GNG7: variants seen among roughly 807,000 people sequenced by gnomAD.
GNG7 encodes the protein G protein subunit gamma 7.
Under a neutral mutation model 4.0 loss-of-function variants are expected in GNG7, and 1 was observed. The ratio of observed to expected loss-of-function variants is 0.25; its 90% CI spans 0.09 to 1.18. GNG7 has a LOEUF of 1.18. Ranked by LOEUF, GNG7 falls within the 50% of genes most tolerant of loss-of-function variation. The pLI, the probability that GNG7 is intolerant of heterozygous loss-of-function variation, is 0.50. For synonymous variants in GNG7, 34 were observed against 36.9 expected, an observed-to-expected ratio of 0.92 and a Z score of 0.29; for missense variants, 86 against 91.9, an observed-to-expected ratio of 0.94 and a Z score of 0.26.
intron 1 of GNG7, among the ~76,000 whole-genome samples, chr19:2,685,291 C>T (rs939667182): frequency 1.3e-4 from 20 of 151,816 alleles, no homozygotes; most frequent in African/African-American, 4.4e-4. Context: ...AATGGTTAAA[C>T]GGGGAAATTT....
intron 4 of GNG7, among the ~76,000 whole-genome samples, chr19:2,519,146 C>CTTTTTTTTTTT (rs71178282): frequency 1.2e-5 from 1 of 84,540 alleles, no homozygotes; most frequent in Admixed American, 1.5e-4. Context: ...TTTCTTGTTT[C>CTTTTTTTTTTT]TTTTTTTTTT....
chr19:2,697,764 G>A (rs1054785146), intron 1 of GNG7, among the ~76,000 whole-genome samples: 1 of 151,230 alleles, frequency 6.6e-6, no homozygotes, highest in African/African-American at 2.5e-5. Flanking sequence ...AGGCCAGCCT[G>A]GCCAACATGG....
At chr19:2,685,223 A>G (rs927792823) in intron 1 of GNG7, among the ~76,000 whole-genome samples, 2 of 152,052 alleles carry the variant, frequency 1.3e-5, no homozygotes, top group Non-Finnish European at 2.9e-5. Flanking sequence ...ACACAGTTTC[A>G]GTTTGGGAAG....
At chr19:2,604,285 C>T (rs1981306507) in intron 2 of GNG7, among the ~76,000 whole-genome samples, 1 of 151,884 alleles carries the variant, frequency 6.6e-6, no homozygotes, top group Non-Finnish European at 1.5e-5. Flanking sequence ...GCCTGGGCAA[C>T]ATAGCAAGAC....
intron 2 of GNG7, among the ~76,000 whole-genome samples, chr19:2,629,000 A>G (rs1434585493): frequency 6.6e-6 from 1 of 152,178 alleles, no homozygotes; most frequent in Admixed American, 6.5e-5. Flanking sequence ...CTTGGGCGCC[A>G]TCTTGGAATT....
At chr19:2,664,569 G>A (rs1219029847) in intron 1 of GNG7, among the ~76,000 whole-genome samples, 1 of 152,140 alleles carries the variant, frequency 6.6e-6, no homozygotes, top group African/African-American at 2.4e-5. Flanking sequence ...GGTCAAGGAG[G>A]GGGAAGGAAC....
intron 1 of GNG7, among the ~76,000 whole-genome samples, chr19:2,673,130 G>A (rs188418492): frequency 1.2e-4 from 18 of 151,896 alleles, no homozygotes; most frequent in African/African-American, 3.4e-4. Flanking sequence ...GGCAGCGGGC[G>A]CCTGTAGTCC....
At chr19:2,682,924 T>C (rs1223773707) in intron 1 of GNG7, among the ~76,000 whole-genome samples, 2 of 151,708 alleles carry the variant, frequency 1.3e-5, no homozygotes, top group Non-Finnish European at 2.9e-5. Flanking sequence ...GAAGATTCCA[T>C]CCTGGGCTCA....
chr19:2,562,536 T>C (rs1323748630), intron 2 of GNG7, among the ~76,000 whole-genome samples: 4 of 152,206 alleles, frequency 2.6e-5, no homozygotes, highest in African/African-American at 9.6e-5. Flanking sequence ...AACAGGGTTT[T>C]TCCCCCCGGG....
chr19:2,569,006 T>C (rs556575379), intron 2 of GNG7, among the ~76,000 whole-genome samples: 1 of 151,500 alleles, frequency 6.6e-6, no homozygotes, highest in African/African-American at 2.4e-5. Context: ...TACACACATA[T>C]ACACACAAGC....
At chr19:2,661,245 A>AAAAGAAAG (rs368412587) in intron 1 of GNG7, among the ~76,000 whole-genome samples, 3 of 93,814 alleles carry the variant, frequency 3.2e-5, no homozygotes, top group African/African-American at 1.3e-4. Flanking sequence ...AGAAAGAAAG[A>AAAAGAAAG]AAAGAAAGAA....
At chr19:2,566,059 G>A (rs1391055715) in intron 2 of GNG7, among the ~76,000 whole-genome samples, 1 of 152,134 alleles carries the variant, frequency 6.6e-6, no homozygotes, top group East Asian at 1.9e-4. Flanking sequence ...TCGGGAGGCT[G>A]AGGCAGGAGA....
chr19:2,592,832 G>A (rs1980888294), intron 2 of GNG7, among the ~76,000 whole-genome samples: 1 of 144,712 alleles, frequency 6.9e-6, no homozygotes, highest in Admixed American at 7.0e-5. Context: ...GAGAGAGAGG[G>A]AGGGAGGGAG....
chr19:2,560,582 G>A (rs188062609), intron 2 of GNG7, among the ~76,000 whole-genome samples: 5 of 150,986 alleles, frequency 3.3e-5, no homozygotes, highest in South Asian at 2.1e-4. Flanking sequence ...GTAGGCGGAC[G>A]CTGCGGTGCC....
chr19:2,680,079 G>A (rs982552918), intron 1 of GNG7, among the ~76,000 whole-genome samples: 18 of 151,852 alleles, frequency 1.2e-4, no homozygotes, highest in East Asian at 3.9e-4. Context: ...TTGGGAGACC[G>A]AGGAGGGAGG....
At chr19:2,517,943 C>T (rs894423991) in intron 4 of GNG7, among the ~76,000 whole-genome samples, 19 of 152,218 alleles carry the variant, frequency 1.2e-4, no homozygotes. Context: ...GGGGGACGCT[C>T]ATGCCCACAG....
rs1439558600 is a variant in GNG7, at chr19:2,557,026, C to T, written c.-77-1838G>A. The stretch of plus-strand genomic sequence containing the variant: ...CCTCCCACCTCTACACACACACACG[C>T]ACACACAGACACACGCACACTCACA... On this transcript the variant is annotated intron_variant, in intron 2 of 4. Transcript: ENST00000382159. The surrounding 1 kb of genome is among the most constrained non-coding windows in gnomAD (Gnocchi z 5.1). Among the ~76,000 whole-genome samples the T allele has an allele frequency of 7.9e-4, 30 of 38,034 alleles. 1 individual carries two copies. Among genetic ancestry groups the T allele is most frequent in the Non-Finnish European group, 2.9e-4 (5 of 17,076 alleles). 25.0% of individuals were successfully genotyped at this position (38,034 alleles called of 152,430 possible). A position where few individuals can be genotyped will look rare whatever the true frequency, so the allele number is the denominator to read the frequency against.
chr19:2,642,383 T>G (rs552798259), intron 2 of GNG7: 20 of 242,996 alleles, frequency 8.2e-5, no homozygotes, highest in Admixed American at 7.3e-4. Context: ...TTTCTGTTTT[T>G]TAGACAGGGT....
At chr19:2,571,723 G>A (rs1980154383) in intron 2 of GNG7, among the ~76,000 whole-genome samples, 1 of 149,926 alleles carries the variant, frequency 6.7e-6, no homozygotes, top group Non-Finnish European at 1.5e-5. Context: ...ACCCTTCTGA[G>A]TAGCTGGGAT....
Sources: gnomAD v4.1 joint callset for allele counts (sites outside exome capture counted in the v4.1 genomes callset) on GRCh38, gnomAD v4.1.1 for gene constraint, Gnocchi (gnomAD v3.1) non-coding constraint, MANE v1.5 for transcripts, NCBI Gene and HGNC (gene_info 2026-07-23, HGNC 2026-07-21) for gene names.